The following TRERF1 variants were observed in gnomAD, a reference collection of about 807,000 sequenced individuals.
TRERF1 encodes transcriptional-regulating factor 1.
In TRERF1, 27 loss-of-function variants were observed where a neutral mutation model predicts 122.9. The observed-to-expected ratio is 0.22, with a 90% confidence interval of 0.16 to 0.30. TRERF1 has a LOEUF of 0.30. Among genes scored for constraint, TRERF1 ranks in the 10% least tolerant of loss-of-function variants. The probability of loss-of-function intolerance (pLI) is 1.00; values close to 1 mark genes in which losing one functional copy is unlikely to be tolerated. For synonymous variants in TRERF1, 636 were observed against 641.7 expected, an observed-to-expected ratio of 0.99 and a Z score of 0.13; for missense variants, 1,248 against 1,560.3, an observed-to-expected ratio of 0.80 and a Z score of 3.37.
At chr6:42,395,271 G>T (rs1364281178) in intron 2 of TRERF1, among the ~76,000 whole-genome samples, 4 of 152,180 alleles carry the variant, frequency 2.6e-5, no homozygotes, top group Non-Finnish European at 5.9e-5. Context: ...AAGCCCAGAT[G>T]CCCCACCCAC....
At chr6:42,331,622 C>A (rs1027524245) in intron 3 of TRERF1, among the ~76,000 whole-genome samples, 1 of 152,148 alleles carries the variant, frequency 6.6e-6, no homozygotes, top group African/African-American at 2.4e-5. Context: ...TGCTGCAGAT[C>A]CCTAAGCGGG....
intron 2 of TRERF1, among the ~76,000 whole-genome samples, chr6:42,408,227 A>ATATATATATATATATATG (rs150915297): frequency 8.6e-5 from 10 of 116,704 alleles, no homozygotes; most frequent in Non-Finnish European, 1.7e-4. Context: ...ATATATATAT[A>ATATATATATATATATATG]TGTGTGTGTG....
At chr6:42,438,007 C>T (rs1049938487) in intron 2 of TRERF1, among the ~76,000 whole-genome samples, 1 of 151,898 alleles carries the variant, frequency 6.6e-6, no homozygotes, top group African/African-American at 2.4e-5. Flanking sequence ...CTGCAATCTT[C>T]GCCTCCCAGG....
chr6:42,316,643 T>C (rs1221898140), intron 3 of TRERF1, among the ~76,000 whole-genome samples: 1 of 152,102 alleles, frequency 6.6e-6, no homozygotes, highest in Non-Finnish European at 1.5e-5. Context: ...AGGAATTTAG[T>C]TTATTGTTTT....
At chr6:42,301,583 A>T (rs1416614222) in intron 3 of TRERF1, among the ~76,000 whole-genome samples, 1 of 152,206 alleles carries the variant, frequency 6.6e-6, no homozygotes, top group Non-Finnish European at 1.5e-5. Flanking sequence ...ACTTTAATAA[A>T]ATATAGTAAA....
intron 15 of TRERF1, 118 bp downstream of exon 15, chr6:42,243,130 C>T: frequency 4.9e-6 from 4 of 814,062 alleles, no homozygotes; most frequent in South Asian, 4.6e-5. Flanking sequence ...GGGCTGTTGT[C>T]ACCTCCTTCC....
chr6:42,382,243 C>T (rs1438067790), intron 2 of TRERF1, among the ~76,000 whole-genome samples: 1 of 151,684 alleles, frequency 6.6e-6, no homozygotes, highest in Non-Finnish European at 1.5e-5. Flanking sequence ...AGACTCATAG[C>T]ACAACAGGGT....
chr6:42,445,023 C>T (rs1352772262), intron 2 of TRERF1, among the ~76,000 whole-genome samples: 1 of 152,150 alleles, frequency 6.6e-6, no homozygotes, highest in Non-Finnish European at 1.5e-5. Flanking sequence ...TAATCCAGCA[C>T]TTGGGGAGGC....
intron 4 of TRERF1, among the ~76,000 whole-genome samples, chr6:42,280,218 A>G (rs565151700): frequency 6.6e-6 from 1 of 152,248 alleles, no homozygotes; most frequent in South Asian, 2.1e-4. Context: ...TCAGACTTCT[A>G]AGGTCTTTTG....
intron 3 of TRERF1, among the ~76,000 whole-genome samples, chr6:42,343,411 A>G (rs1384948980): frequency 6.6e-6 from 1 of 152,218 alleles, no homozygotes. Flanking sequence ...TTTTAACTCT[A>G]TGTAGCCACC....
chr6:42,242,048 T>C (rs1438245771), intron 15 of TRERF1, among the ~76,000 whole-genome samples: 1 of 152,200 alleles, frequency 6.6e-6, no homozygotes, highest in Non-Finnish European at 1.5e-5. Flanking sequence ...TGAGCTATGA[T>C]CATGCCGCTG....
At chr6:42,287,292 TAA>T (rs1187993828) in intron 4 of TRERF1, among the ~76,000 whole-genome samples, 1 of 124,406 alleles carries the variant, frequency 8.0e-6, no homozygotes. Context: ...TAAAGTATAA[TAA>T]AAAAAAAAAA....
chr6:42,305,811 C>G (rs1386961597), intron 3 of TRERF1, among the ~76,000 whole-genome samples: 1 of 151,994 alleles, frequency 6.6e-6, no homozygotes, highest in Non-Finnish European at 1.5e-5. Flanking sequence ...CTCTACAGAG[C>G]ATCTGAGAAA....
chr6:42,266,924 T>C (rs1479954478), intron 5 of TRERF1, among the ~76,000 whole-genome samples: 1 of 152,216 alleles, frequency 6.6e-6, no homozygotes, highest in Non-Finnish European at 1.5e-5. Context: ...TAATGTCTCA[T>C]ACCAGACAGT....
At chr6:42,396,244 T>C (rs1456634255) in intron 2 of TRERF1, among the ~76,000 whole-genome samples, 2 of 152,188 alleles carry the variant, frequency 1.3e-5, no homozygotes, top group African/African-American at 4.8e-5. Context: ...GTGACTTTAC[T>C]ATCCAGCTTC....
At chr6:42,346,548 G>A (rs77575958) in intron 3 of TRERF1, among the ~76,000 whole-genome samples, 1,637 of 152,296 alleles carry the variant, frequency 0.011, 25 homozygotes, top group African/African-American at 0.037. Flanking sequence ...TATTAGAAAT[G>A]CAAGCAAGGC....
chr6:42,241,792 A>G (rs978812899), intron 15 of TRERF1, among the ~76,000 whole-genome samples: 1 of 152,188 alleles, frequency 6.6e-6, no homozygotes, highest in East Asian at 1.9e-4. Flanking sequence ...TCTTTAAGAA[A>G]ATGTGTGGCC....
intron 2 of TRERF1, among the ~76,000 whole-genome samples, chr6:42,374,852 A>G (rs545070007): frequency 2.0e-4 from 31 of 152,184 alleles, no homozygotes; most frequent in African/African-American, 6.3e-4. Flanking sequence ...TACTAAAAAA[A>G]TACAAAAAAT....
At position 42,228,740 on chromosome 6, in the gene TRERF1, A is replaced by T; in HGVS notation, c.3279-71T>A. On this transcript the variant is annotated intron_variant, in intron 17 of 17. Coordinates refer to ENST00000372922, the Ensembl canonical transcript of TRERF1. The surrounding 1 kb of genome is among the most constrained non-coding windows in gnomAD (Gnocchi z 4.2). ...GAGTTCTTGGAAATCCAGGTGTCCT[A>T]CGGGGAATGGGGGTGTGTGGTCTGA... 6.8e-7 allele frequency: 1 copy of T among 1,461,580 alleles called. No homozygotes were observed. The allele number at this position is 1,461,580 out of a possible 1,614,324, so 90.5% of individuals were successfully genotyped here.
Sources: allele counts gnomAD v4.1 joint callset (sites outside exome capture counted in the v4.1 genomes callset), GRCh38; gene constraint gnomAD v4.1.1; non-coding constraint Gnocchi (gnomAD v3.1); transcripts MANE v1.5; gene names NCBI Gene and HGNC (gene_info 2026-07-23, HGNC 2026-07-21).